Variants in DYSF observed in about 807,000 individuals in gnomAD.
The protein encoded by DYSF is dysferlin.
Under a neutral mutation model 274.9 loss-of-function variants are expected in DYSF, and 212 were observed. The observed-to-expected ratio is 0.77, with a 90% confidence interval of 0.69 to 0.86. The LOEUF (loss-of-function observed/expected upper bound fraction) is 0.86, where lower values mean the gene tolerates loss of function less well. Among genes scored for constraint, DYSF ranks in the 40% least tolerant of loss-of-function variants. DYSF has a pLI of 0.00. For synonymous variants in DYSF, 1,091 were observed against 1,078.7 expected, an observed-to-expected ratio of 1.01 and a Z score of -0.22; for missense variants, 2,666 against 2,783.2, an observed-to-expected ratio of 0.96 and a Z score of 0.95.
intron 52 of DYSF, among the ~76,000 whole-genome samples, chr2:71,677,469 G>A (rs2095240190): frequency 6.6e-6 from 1 of 152,076 alleles, no homozygotes; most frequent in African/African-American, 2.4e-5. Flanking sequence ...GTTTAAATGG[G>A]TCAAAGATAG....
chr2:71,645,899 A>G (rs889239602), intron 42 of DYSF, among the ~76,000 whole-genome samples: 1 of 152,128 alleles, frequency 6.6e-6, no homozygotes, highest in African/African-American at 2.4e-5. Flanking sequence ...CACATAGGAA[A>G]GGCCCCAAGA....
At chr2:71,624,232 C>A (rs1443564034) in intron 41 of DYSF, among the ~76,000 whole-genome samples, 1 of 152,160 alleles carries the variant, frequency 6.6e-6, no homozygotes, top group African/African-American at 2.4e-5. Context: ...CAGTGGGCAT[C>A]CTAGAACAGC....
At chr2:71,564,011 G>A in intron 23 of DYSF, 47 bp from the exon 24 acceptor site, 1 of 1,612,244 alleles carries the variant, frequency 6.2e-7, no homozygotes, top group Non-Finnish European at 8.5e-7. Context: ...GTGGGGCGTG[G>A]GCCTGGTGTG....
At chr2:71,577,794 C>G (rs560807095) in intron 30 of DYSF, among the ~76,000 whole-genome samples, 37 of 152,280 alleles carry the variant, frequency 2.4e-4, no homozygotes, top group African/African-American at 8.7e-4. Context: ...TGTCCTGATG[C>G]CCCAGCACAG....
At chr2:71,467,156 A>G (rs1205957920) in intron 1 of DYSF, among the ~76,000 whole-genome samples, 1 of 152,224 alleles carries the variant, frequency 6.6e-6, no homozygotes, top group Admixed American at 6.5e-5. Flanking sequence ...TGGAAAAGCG[A>G]AAGTGCCGTA....
intron 17 of DYSF, among the ~76,000 whole-genome samples, chr2:71,550,448 C>A (rs185170124): frequency 6.4e-4 from 98 of 152,228 alleles, no homozygotes; most frequent in Non-Finnish European, 1.1e-3. Context: ...TAAGGCAAGG[C>A]CGTTAGGGCA....
chr2:71,679,173 C>T lies in DYSF; in HGVS notation c.6001C>T (p.Gln2001Ter), dbSNP rs1064794020. The T allele has an allele frequency of 6.2e-7, 1 of 1,614,042 alleles. No homozygotes were observed. The highest frequency in any genetic ancestry group is 8.5e-7 in the Non-Finnish European group (1 of 1,179,960). ...AGAATGGTTTGTGTCCCTTTTTGAG[C>T]AGAAAACAGTGAAGGGCTGGTGGCC... ...HPEWFVSLFE[Q>*]KTVKGWWPCV... Residue 2001 changes from glutamine to a stop codon, truncating the protein, a stop_gained, in exon 53 of 56, where the codon CAG becomes TAG. Coordinates refer to ENST00000410020, the MANE Select transcript of DYSF (RefSeq NM_001130987.2). LOFTEE classifies it high-confidence loss of function.
intron 9 of DYSF, among the ~76,000 whole-genome samples, chr2:71,516,514 G>A (rs531285980): frequency 1.2e-4 from 19 of 152,362 alleles, no homozygotes; most frequent in Non-Finnish European, 2.5e-4. Flanking sequence ...AGCAGCTGCG[G>A]GAGAGCCCAC....
At chr2:71,684,664 C>T (rs2095334795) in intron 55 of DYSF, among the ~76,000 whole-genome samples, 1 of 152,254 alleles carries the variant, frequency 6.6e-6, no homozygotes, top group East Asian at 1.9e-4. Context: ...AGTCGGAGGA[C>T]TAGCAGCAGT....
chr2:71,504,540 T>G (rs2085301428), intron 4 of DYSF, among the ~76,000 whole-genome samples: 1 of 152,046 alleles, frequency 6.6e-6, no homozygotes, highest in African/African-American at 2.4e-5. Context: ...CCCCAAGGAG[T>G]TCTGGAACTA....
chr2:71,668,458 C>T (rs894780414), intron 48 of DYSF, among the ~76,000 whole-genome samples: 5 of 152,150 alleles, frequency 3.3e-5, no homozygotes, highest in East Asian at 3.9e-4. Context: ...CTCTTTGACA[C>T]GCCACGACTG....
At chr2:71,502,867 C>T (rs2085123835) in intron 3 of DYSF, among the ~76,000 whole-genome samples, 1 of 152,178 alleles carries the variant, frequency 6.6e-6, no homozygotes, top group South Asian at 2.1e-4. Flanking sequence ...TGATGAGATA[C>T]TGACCTGGTG....
chr2:71,460,948 A>G (rs1187679340), intron 1 of DYSF, among the ~76,000 whole-genome samples: 1 of 151,780 alleles, frequency 6.6e-6, no homozygotes, highest in Non-Finnish European at 1.5e-5. Flanking sequence ...GAAAAAAAAA[A>G]AAAAAAGAAA....
intron 1 of DYSF, among the ~76,000 whole-genome samples, chr2:71,479,094 C>T (rs1423525612): frequency 6.6e-6 from 1 of 150,806 alleles, no homozygotes; most frequent in East Asian, 2.0e-4. Context: ...CTGAGCCATC[C>T]AGGTGGAGAC....
chr2:71,541,920 G>A (rs752207695), intron 17 of DYSF, among the ~76,000 whole-genome samples: 1 of 151,816 alleles, frequency 6.6e-6, no homozygotes, highest in African/African-American at 2.4e-5. Flanking sequence ...AATCTATCTT[G>A]GTACAGGACA....
rs575064981 is a variant in DYSF at position 71,671,426 on chromosome 2, G to A, written c.5784+1680G>A. ...CTCTGCTGCAGACAGAGGGAGAGGG[G>A]GCCTGGGAGTGGAGAGGGAGGGCTG... On this transcript the variant is annotated intron_variant, in intron 51 of 55. Coordinates refer to ENST00000410020, the MANE Select transcript of DYSF (RefSeq NM_001130987.2). Among the ~76,000 whole-genome samples the A allele has an allele frequency of 2.4e-4, 36 of 152,370 alleles. 1 individual carries two copies. In the South Asian group the frequency reaches 7.0e-3, roughly 30 times the overall value.
chr2:71,541,540 T>G (rs937477227), intron 17 of DYSF, among the ~76,000 whole-genome samples: 1 of 152,106 alleles, frequency 6.6e-6, no homozygotes, highest in Non-Finnish European at 1.5e-5. Flanking sequence ...GGTTAGAAGT[T>G]TATTTTAAAA....
intron 30 of DYSF, among the ~76,000 whole-genome samples, chr2:71,580,346 C>A (rs868058467): frequency 6.6e-6 from 1 of 152,242 alleles, no homozygotes. Flanking sequence ...AAGCCTGGGC[C>A]GGCGAGGCAA....
intron 42 of DYSF, among the ~76,000 whole-genome samples, chr2:71,644,339 C>A (rs2094534598): frequency 6.6e-6 from 1 of 152,152 alleles, no homozygotes; most frequent in South Asian, 2.1e-4. Context: ...TGTTAACGTG[C>A]CCCAGCCCCC....
Sources: allele counts gnomAD v4.1 joint callset (sites outside exome capture counted in the v4.1 genomes callset), GRCh38; gene constraint gnomAD v4.1.1; transcripts MANE v1.5; gene names NCBI Gene and HGNC (gene_info 2026-07-23, HGNC 2026-07-21).